GRM5: variants seen among roughly 807,000 people sequenced by gnomAD.
GRM5 encodes the protein glutamate metabotropic receptor 5, also known as metabotropic glutamate receptor 5.
GRM5 carries 19 observed loss-of-function variants against 83.1 expected under a neutral mutation model. The ratio of observed to expected loss-of-function variants is 0.23; its 90% confidence interval spans 0.16 to 0.34. GRM5 has a LOEUF of 0.34. Ranked by LOEUF, GRM5 falls within the 10% of genes least tolerant of loss-of-function variation. The probability of loss-of-function intolerance (pLI) is 1.00; values close to 1 mark genes in which losing one functional copy is unlikely to be tolerated. For missense variants in GRM5, 1,160 were observed against 1,588.3 expected (o/e 0.73, Z 4.58); for synonymous variants, 675 against 633.6 (o/e 1.07, Z -0.98).
chr11:88,569,831 T>A (rs1366487030), intron 7 of GRM5, among the ~76,000 whole-genome samples: 2 of 152,232 alleles, frequency 1.3e-5, no homozygotes, highest in Non-Finnish European at 2.9e-5. Context: ...CAAATCCTCA[T>A]TGATAAGGAG....
At chr11:88,575,957 G>GTGCAAAGA in intron 7 of GRM5, among the ~76,000 whole-genome samples, 1 of 151,920 alleles carries the variant, frequency 6.6e-6, no homozygotes. Flanking sequence ...TTGAAATTGT[G>GTGCAAAGA]TGCAAAGATT....
At chr11:88,599,870 G>A (rs1179185691) in intron 5 of GRM5, among the ~76,000 whole-genome samples, 2 of 151,972 alleles carry the variant, frequency 1.3e-5, no homozygotes, top group Non-Finnish European at 2.9e-5. Flanking sequence ...AAAATTAGCC[G>A]GGCGTGGTGG....
chr11:88,857,243 C>A (rs1944493081), intron 2 of GRM5, among the ~76,000 whole-genome samples: 1 of 152,062 alleles, frequency 6.6e-6, no homozygotes, highest in Non-Finnish European at 1.5e-5. Context: ...TTTCTCCATA[C>A]CTTCACCATT....
intron 4 of GRM5, among the ~76,000 whole-genome samples, chr11:88,621,502 A>G (rs1252491320): frequency 1.3e-5 from 2 of 152,174 alleles, no homozygotes; most frequent in Non-Finnish European, 2.9e-5. Flanking sequence ...AGAATTAGAG[A>G]TAATACATAT....
chr11:88,946,032 G>A (rs1164885751), intron 2 of GRM5, among the ~76,000 whole-genome samples: 1 of 151,706 alleles, frequency 6.6e-6, no homozygotes, highest in East Asian at 1.9e-4. Flanking sequence ...AATGTAAACA[G>A]TTCAACAAGC....
chr11:88,597,578 T>C (rs975743743), intron 5 of GRM5, among the ~76,000 whole-genome samples: 2 of 152,060 alleles, frequency 1.3e-5, no homozygotes, highest in African/African-American at 4.8e-5. Flanking sequence ...AGTAATCCCA[T>C]GTGAGAAGGT....
At chr11:88,885,458 T>G (rs970464780) in intron 2 of GRM5, among the ~76,000 whole-genome samples, 22,694 of 60,322 alleles carry the variant, frequency 0.38, 6,087 homozygotes, top group Admixed American at 0.52. Context: ...ATGTTTTTTT[T>G]TTTTTTTTTT....
rs753281383 is a variant in GRM5 at position 88,680,799 on chromosome 11, GT to G, written c.912-27397del. Among the ~76,000 whole-genome samples, 14 of 152,106 alleles carry G rather than the reference GT, an allele frequency of 9.2e-5. No individual in the cohort carries two copies. The South Asian group carries it at 1.5e-3, about 16-fold the overall frequency. The stretch of plus-strand genomic sequence containing the variant: ...CACCTTCTATTACATCACCCTTATT[GT>G]TTTCCTTCTAGGGCTTTCCTGATGG... On this transcript the variant is annotated intron_variant, in intron 3 of 9. Transcript: ENST00000305447.
At chr11:88,782,822 C>T (rs986252489) in intron 3 of GRM5, among the ~76,000 whole-genome samples, 1 of 152,062 alleles carries the variant, frequency 6.6e-6, no homozygotes, top group Non-Finnish European at 1.5e-5. Context: ...TCAGAGGAAA[C>T]ATCAATAGTG....
intron 2 of GRM5, among the ~76,000 whole-genome samples, chr11:89,039,243 C>T (rs1008729989): frequency 4.8e-5 from 7 of 146,582 alleles, no homozygotes; most frequent in Non-Finnish European, 7.4e-5. Context: ...CCAGCCTGGG[C>T]GACAAACTGA....
At chr11:88,936,912 T>C (rs1446148402) in intron 2 of GRM5, among the ~76,000 whole-genome samples, 1 of 151,836 alleles carries the variant, frequency 6.6e-6, no homozygotes, top group Non-Finnish European at 1.5e-5. Context: ...CTTTGAATGC[T>C]AATGGTATTT....
chr11:89,027,103 C>CT (rs1007515503), intron 2 of GRM5, among the ~76,000 whole-genome samples: 277 of 146,080 alleles, frequency 1.9e-3, no homozygotes, highest in African/African-American at 4.5e-3. Context: ...TTTTTCTTTT[C>CT]TTTTTTTTTT....
At chr11:88,671,912 G>A (rs1180857008) in intron 3 of GRM5, among the ~76,000 whole-genome samples, 1 of 151,952 alleles carries the variant, frequency 6.6e-6, no homozygotes, top group African/African-American at 2.4e-5. Flanking sequence ...TGGTTTCTGT[G>A]CTCTTTTGGT....
chr11:88,882,058 A>G (rs1365570924), intron 2 of GRM5, among the ~76,000 whole-genome samples: 1 of 151,138 alleles, frequency 6.6e-6, no homozygotes, highest in Non-Finnish European at 1.5e-5. Flanking sequence ...CCTGGTCAAC[A>G]CAGGGAAACC....
chr11:88,783,436 A>G (rs1295707429), intron 3 of GRM5, among the ~76,000 whole-genome samples: 2 of 152,160 alleles, frequency 1.3e-5, no homozygotes, highest in Non-Finnish European at 2.9e-5. Context: ...TACAGGCACT[A>G]GCACACTAAA....
At chr11:89,025,999 G>T (rs1941122380) in intron 2 of GRM5, among the ~76,000 whole-genome samples, 1 of 152,114 alleles carries the variant, frequency 6.6e-6, no homozygotes, top group Non-Finnish European at 1.5e-5. Flanking sequence ...ATACTACACA[G>T]CCATAAAAAA....
At chr11:88,611,429 C>A (rs535754972) in intron 4 of GRM5, among the ~76,000 whole-genome samples, 3 of 152,104 alleles carry the variant, frequency 2.0e-5, no homozygotes, top group Non-Finnish European at 2.9e-5. Flanking sequence ...TTATTTCTTC[C>A]TGGTTCAATT....
At chr11:88,645,317 A>C (rs568092888) in intron 4 of GRM5, among the ~76,000 whole-genome samples, 1 of 152,268 alleles carries the variant, frequency 6.6e-6, no homozygotes, top group South Asian at 2.1e-4. Context: ...TTAAAGTCAA[A>C]GTAAGAACAG....
intron 2 of GRM5, among the ~76,000 whole-genome samples, chr11:88,962,854 G>A (rs1215284204): frequency 6.6e-6 from 1 of 152,176 alleles, no homozygotes; most frequent in Non-Finnish European, 1.5e-5. Flanking sequence ...ACTTTGGGAG[G>A]CCAAGGCTGG....
Sources: allele counts gnomAD v4.1 joint callset (sites outside exome capture counted in the v4.1 genomes callset), GRCh38; gene constraint gnomAD v4.1.1; transcripts MANE v1.5; gene names NCBI Gene and HGNC (gene_info 2026-07-23, HGNC 2026-07-21).